Variants in EFR3B observed in about 807,000 individuals in gnomAD.
The protein encoded by EFR3B is protein EFR3 homolog B.
In EFR3B, 64 loss-of-function variants were observed where a neutral mutation model predicts 104.7. The ratio of observed to expected loss-of-function variants is 0.61; its 90% CI spans 0.50 to 0.75. The LOEUF is 0.75. Ranked by LOEUF, EFR3B falls within the 30% of genes least tolerant of loss-of-function variation. The probability of loss-of-function intolerance (pLI) is 0.00; values close to 1 mark genes in which losing one functional copy is unlikely to be tolerated. For missense variants in EFR3B, 750 were observed against 1,078.5 expected, an observed-to-expected ratio of 0.70 and a Z score of 4.27; for synonymous variants, 385 against 417.9, an observed-to-expected ratio of 0.92 and a Z score of 0.96.
chr2:25,143,865 A>G lies in EFR3B; in HGVS notation c.2050+3A>G. 4 of 1,551,388 alleles carry G rather than the reference A, an allele frequency of 2.6e-6. No homozygotes were observed. The highest frequency in any genetic ancestry group is 3.5e-6 in the Non-Finnish European group (4 of 1,146,804). ...GCCCTACATTCCTCAGCTGACAGGT[A>G]TGAGTTCTGTGCAGGGATGCCCGGG... On this transcript the variant is annotated splice_donor_region_variant and intron_variant, in intron 18 of 22. Coordinates refer to ENST00000403714, the MANE Select transcript of EFR3B (RefSeq NM_014971.2).
At chr2:25,125,144 C>A (rs899567607) in intron 5 of EFR3B, among the ~76,000 whole-genome samples, 5 of 152,204 alleles carry the variant, frequency 3.3e-5, no homozygotes, top group Admixed American at 3.3e-4. Flanking sequence ...TTGAAAGGCA[C>A]GGTCAGCTCT....
chr2:25,135,466 G>C lies in EFR3B; in HGVS notation c.1312-1G>C, dbSNP rs1306356143. 3.9e-6 allele frequency: 6 copies of C among 1,551,722 alleles called. No individual in the cohort carries two copies. Among genetic ancestry groups the C allele is most frequent in the Non-Finnish European group, 5.2e-6 (6 of 1,146,998 alleles). ...CATAGCTGTCCATACCTCCCTTGCA[G>C]GTATCCACAGGTTTCCAGTGCAACA... is the stretch of plus-strand genomic sequence containing the variant. On this transcript the variant is annotated splice_acceptor_variant, in intron 12 of 22. Coordinates refer to ENST00000403714, the MANE Select transcript of EFR3B (RefSeq NM_014971.2). LOFTEE classifies it high-confidence loss of function.
intron 1 of EFR3B, among the ~76,000 whole-genome samples, chr2:25,046,447 T>C (rs539975252): frequency 6.3e-4 from 96 of 151,672 alleles, no homozygotes; most frequent in Non-Finnish European, 1.0e-3. Flanking sequence ...TGAGTGAGAC[T>C]GTTGCCAAAA....
chr2:25,137,457 C>T lies in EFR3B; in HGVS notation c.1677C>T (p.Asn559=), dbSNP rs763847771. ...CCCTCATCAGCATCGAGCTGGCTAA[C>T]GAGGAGGTGGTGGTGGACCTCATCC... ...LLALISIELA[N]EEVVVDLIRL... The change falls in exon 15 of 23, where the codon AAC becomes AAT. Residue 559 remains asparagine, a synonymous_variant. Transcript: ENST00000403714. The surrounding 1 kb of genome is among the most constrained non-coding windows in gnomAD (Gnocchi z 4.7). 6.4e-6 allele frequency: 10 copies of T among 1,551,676 alleles called. No individual in the cohort carries two copies. The highest frequency in any genetic ancestry group is 4.9e-5 in the East Asian group (2 of 40,910).
intron 1 of EFR3B, among the ~76,000 whole-genome samples, chr2:25,063,887 T>A (rs1297885860): frequency 6.6e-6 from 1 of 152,198 alleles, no homozygotes; most frequent in Non-Finnish European, 1.5e-5. Context: ...TCTCACTCCA[T>A]CTGCTCCTGG....
At chr2:25,111,324 G>A (rs35933217) in intron 4 of EFR3B, among the ~76,000 whole-genome samples, 31,894 of 151,778 alleles carry the variant, frequency 0.21, 3,666 homozygotes, top group South Asian at 0.29. Flanking sequence ...TGCCCCTCAT[G>A]TTTTTATCTT....
chr2:25,085,754 C>T (rs1490420709), intron 1 of EFR3B, among the ~76,000 whole-genome samples: 2 of 151,756 alleles, frequency 1.3e-5, no homozygotes, highest in African/African-American at 4.8e-5. Flanking sequence ...TGTGAGCCAC[C>T]GCGCCTGACC....
intron 4 of EFR3B, 121 bp from the exon 5 acceptor site, chr2:25,121,552 A>C (rs1451631065): frequency 2.4e-5 from 31 of 1,293,156 alleles, no homozygotes; most frequent in Non-Finnish European, 3.3e-5. Flanking sequence ...AGGCCGGCCA[A>C]GCTGGCTCCA....
intron 5 of EFR3B, 135 bp downstream of exon 5, chr2:25,121,929 G>T: frequency 1.6e-6 from 2 of 1,243,910 alleles, no homozygotes; most frequent in Non-Finnish European, 2.2e-6. Flanking sequence ...TGCCGGGCAG[G>T]TGGGCCAGCA....
At chr2:25,069,853 C>A (rs187275194) in intron 1 of EFR3B, among the ~76,000 whole-genome samples, 261 of 152,290 alleles carry the variant, frequency 1.7e-3, no homozygotes, top group Non-Finnish European at 2.9e-3. Flanking sequence ...TGCGCCACCA[C>A]GCCTGGCTAA....
intron 2 of EFR3B, among the ~76,000 whole-genome samples, chr2:25,092,132 G>T (rs1402567136): frequency 6.6e-6 from 1 of 151,718 alleles, no homozygotes; most frequent in African/African-American, 2.4e-5. Context: ...GCAGTGGCGC[G>T]ATCTCGGCTC....
chr2:25,154,357 C>CTCCTCAAG lies in EFR3B; in HGVS notation c.*18_*25dup. 3 of 1,549,548 alleles carry CTCCTCAAG rather than the reference C, an allele frequency of 1.9e-6. No homozygotes were observed. The highest frequency in any genetic ancestry group is 2.6e-6 in the Non-Finnish European group (3 of 1,144,790). ...GTATACTGAATTCCAAGAGCCTGAG[C>CTCCTCAAG]TCCTCAAGGAGATGGGGTCTGAGGA... On this transcript the variant is annotated 3_prime_UTR_variant, in exon 23 of 23. Coordinates refer to ENST00000403714, the MANE Select transcript of EFR3B (RefSeq NM_014971.2). The surrounding 1 kb of genome is among the most constrained non-coding windows in gnomAD (Gnocchi z 4.1).
chr2:25,081,063 A>G, intron 1 of EFR3B: 2 of 733,666 alleles, frequency 2.7e-6, no homozygotes, highest in South Asian at 1.5e-5. Context: ...TCCTATTAAT[A>G]TAGGACCTTG....
chr2:25,121,443 G>A (rs1670011824), intron 4 of EFR3B, among the ~76,000 whole-genome samples: 2 of 152,140 alleles, frequency 1.3e-5, no homozygotes, highest in Admixed American at 6.6e-5. Context: ...CTCTGCTCCC[G>A]CAGCAGGGGA....
Position 25,042,120 on chromosome 2 carries a change from C to T in EFR3B, c.-193C>T. Reference sequence around the variant, plus strand: ...AGCGGAGGCGGCCGCTGCAGCCCGGCGCTGAATGGGCTGGCGGCGCCCGGC... The same window carrying T: ...AGCGGAGGCGGCCGCTGCAGCCCGGTGCTGAATGGGCTGGCGGCGCCCGGC... On this transcript the variant is annotated 5_prime_UTR_variant, in exon 1 of 23. Coordinates refer to ENST00000403714, the MANE Select transcript of EFR3B (RefSeq NM_014971.2). This position sits in a 1 kb window ranked among gnomAD's most constrained non-coding sequence, Gnocchi z 5.4. The T allele has an allele frequency of 2.6e-6, 1 of 386,536 alleles. No individual in the cohort carries two copies. The highest frequency in any genetic ancestry group is 2.1e-5 in the African/African-American group (1 of 46,762). The allele number at this position is 386,536 out of a possible 1,614,324, so 23.9% of individuals were successfully genotyped here.
intron 1 of EFR3B, among the ~76,000 whole-genome samples, chr2:25,067,404 T>C (rs1216339814): frequency 1.3e-5 from 2 of 151,970 alleles, no homozygotes; most frequent in African/African-American, 4.8e-5. Context: ...ATAGGTGTTC[T>C]ACAGCCTCCT....
chr2:25,089,333 A>G (rs1669049236), intron 1 of EFR3B, among the ~76,000 whole-genome samples: 1 of 152,188 alleles, frequency 6.6e-6, no homozygotes, highest in Non-Finnish European at 1.5e-5. Flanking sequence ...CCTGGGTTCT[A>G]GCAGCTGTGA....
At chr2:25,084,292 A>G (rs914068395) in intron 1 of EFR3B, among the ~76,000 whole-genome samples, 6 of 151,642 alleles carry the variant, frequency 4.0e-5, no homozygotes, top group African/African-American at 9.7e-5. Flanking sequence ...GCTGGAGTGC[A>G]GTGGTGCGAT....
At chr2:25,047,743 G>T (rs537901621) in intron 1 of EFR3B, among the ~76,000 whole-genome samples, 2 of 152,138 alleles carry the variant, frequency 1.3e-5, no homozygotes, top group East Asian at 1.9e-4. Context: ...ACACTGATAC[G>T]CTCACCTTGG....
Sources: allele counts gnomAD v4.1 joint callset (sites outside exome capture counted in the v4.1 genomes callset), GRCh38; gene constraint gnomAD v4.1.1; non-coding constraint Gnocchi (gnomAD v3.1); transcripts MANE v1.5; gene names NCBI Gene and HGNC (gene_info 2026-07-23, HGNC 2026-07-21).